The following MSL2 variants were observed in gnomAD, a reference collection of about 807,000 sequenced individuals.
The protein encoded by MSL2 is E3 ubiquitin-protein ligase MSL2.
A neutral mutation model predicts 35.8 loss-of-function variants in MSL2; 2 were observed. The ratio of observed to expected loss-of-function variants is 0.06; its 90% CI spans 0.02 to 0.18. MSL2 has a LOEUF of 0.18. Among genes scored for constraint, MSL2 ranks in the 10% least tolerant of loss-of-function variants. The pLI, the probability that MSL2 is intolerant of heterozygous loss-of-function variation, is 1.00. For synonymous variants in MSL2, 296 were observed against 255.7 expected (o/e 1.16, Z -1.50); for missense variants, 523 against 706.7 (o/e 0.74, Z 2.95).
rs1408267273 is a variant in MSL2, at chr3:136,152,248, T to C, written c.633A>G (p.Ser211=). The C allele has an allele frequency of 6.2e-7, 1 of 1,614,068 alleles. No individual in the cohort carries two copies. Among genetic ancestry groups the C allele is most frequent in the Non-Finnish European group, 8.5e-7 (1 of 1,179,952 alleles). ...SIDRFGINIP[S]PEHSNTIDVC... is the part of the protein sequence containing the mutation. ...CGTCAATCGTATTTGAATGTTCAGG[T>C]GAAGGAATATTTATACCAAATCTAT... The change falls in exon 2 of 2, where the codon TCA becomes TCG. Residue 211 remains serine, a synonymous_variant. Coordinates refer to ENST00000309993, the MANE Select transcript of MSL2 (RefSeq NM_018133.4).
At chr3:136,155,194 G>A (rs558693882) in intron 1 of MSL2, among the ~76,000 whole-genome samples, 2 of 150,606 alleles carry the variant, frequency 1.3e-5, no homozygotes, top group Non-Finnish European at 3.0e-5. Flanking sequence ...TGGCGACAGG[G>A]CAAGACTGTC....
chr3:136,179,696 GATC>G (rs1169365073), intron 1 of MSL2, among the ~76,000 whole-genome samples: 2 of 152,182 alleles, frequency 1.3e-5, no homozygotes, highest in African/African-American at 4.8e-5. Context: ...ATACTATAAA[GATC>G]ATCTTAAAGC....
At chr3:136,187,068 A>G (rs915051151) in intron 1 of MSL2, among the ~76,000 whole-genome samples, 1 of 152,216 alleles carries the variant, frequency 6.6e-6, no homozygotes, top group Non-Finnish European at 1.5e-5. Flanking sequence ...GGCTGAATCC[A>G]CAAATGCAGA....
In MSL2 at chr3:136,149,930, C is replaced by A. The variant is rs1939301128; in HGVS notation, c.*1217G>T. On this transcript the variant is annotated 3_prime_UTR_variant, in exon 2 of 2. Transcript: ENST00000309993. Reference sequence around the variant, plus strand: ...GGTTATTTCATTACACCTAGTCAGTCCTTGTTTTATTTGGGCTGTGCTCTT... The same window carrying A: ...GGTTATTTCATTACACCTAGTCAGTACTTGTTTTATTTGGGCTGTGCTCTT... 6.6e-6 allele frequency: 1 copy of A among 152,558 alleles called. No individual in the cohort carries two copies. Among genetic ancestry groups the A allele is most frequent in the African/African-American group, 2.4e-5 (1 of 41,430 alleles). 9.5% of individuals were successfully genotyped at this position (152,558 alleles called of 1,614,324 possible). A position where few individuals can be genotyped will look rare whatever the true frequency, so the allele number is the denominator to read the frequency against.
At chr3:136,193,246 T>G (rs1279516225) in intron 1 of MSL2, among the ~76,000 whole-genome samples, 3 of 152,152 alleles carry the variant, frequency 2.0e-5, no homozygotes, top group Admixed American at 6.5e-5. Flanking sequence ...CGAAAGCTAT[T>G]AATAGGAACT....
At chr3:136,178,900 G>A (rs1940259542) in intron 1 of MSL2, among the ~76,000 whole-genome samples, 2 of 151,446 alleles carry the variant, frequency 1.3e-5, no homozygotes, top group Non-Finnish European at 2.9e-5. Context: ...ACCATCAAAC[G>A]GTTATTACCA....
chr3:136,158,343 A>G (rs977194080), intron 1 of MSL2, among the ~76,000 whole-genome samples: 47 of 151,836 alleles, frequency 3.1e-4, no homozygotes, highest in Non-Finnish European at 3.5e-4. Flanking sequence ...AGAAAATACA[A>G]ACCAAAATCT....
At chr3:136,173,382 G>C (rs1296613159) in intron 1 of MSL2, among the ~76,000 whole-genome samples, 1 of 152,000 alleles carries the variant, frequency 6.6e-6, no homozygotes, top group Non-Finnish European at 1.5e-5. Flanking sequence ...CTTAACATGA[G>C]CAAATATAAA....
At chr3:136,162,346 G>A (rs913549068) in intron 1 of MSL2, among the ~76,000 whole-genome samples, 1 of 151,068 alleles carries the variant, frequency 6.6e-6, no homozygotes, top group African/African-American at 2.4e-5. Context: ...AGTTTGAGAG[G>A]CCAGCGTAGG....
At position 136,152,033 on chromosome 3, in the gene MSL2, G is replaced by C; in HGVS notation, c.848C>G (p.Thr283Arg). 1 of 1,614,170 alleles carries C rather than the reference G, an allele frequency of 6.2e-7. No individual in the cohort carries two copies. The highest frequency in any genetic ancestry group is 8.5e-7 in the Non-Finnish European group (1 of 1,180,036). The change falls in exon 2 of 2, where the codon ACA becomes AGA. Residue 283 changes from threonine (T) to arginine (R), a missense_variant. Thr to Arg is a moderately conservative substitution (Grantham distance 71). Around this residue, in one of 5 missense-constraint regions of MSL2, gnomAD observed 361 missense variants for 414.6 expected, o/e 0.87. Transcript: ENST00000309993. ...VLRSLETVSN[T>R]EVCCPNLQPN... ...CTGCAAATTAGGGCAACAGACCTCT[G>C]TATTTGAAACAGTTTCTAAGCTGCG...
chr3:136,152,827 CA>C, intron 1 of MSL2, 89 bp from the exon 2 acceptor site: 1 of 1,502,370 alleles, frequency 6.7e-7, no homozygotes, highest in East Asian at 2.3e-5. Flanking sequence ...AGTAGTCTAT[CA>C]AAATTGAGAT....
intron 1 of MSL2, among the ~76,000 whole-genome samples, chr3:136,164,562 G>A (rs1939788404): frequency 6.6e-6 from 1 of 152,158 alleles, no homozygotes. Flanking sequence ...GTGAGAAATA[G>A]AAAAGAGTCA....
At chr3:136,165,487 A>G (rs1939821743) in intron 1 of MSL2, among the ~76,000 whole-genome samples, 1 of 152,196 alleles carries the variant, frequency 6.6e-6, no homozygotes, top group Non-Finnish European at 1.5e-5. Flanking sequence ...TAGTTTTAGG[A>G]TACCACAATG....
rs6779901 is a variant in MSL2, at chr3:136,178,379, T to C, written c.142+16593A>G. On this transcript the variant is annotated intron_variant, in intron 1 of 1. Transcript: ENST00000309993. Reference sequence around the variant, plus strand: ...CATTAATCAATAAACCAACATAAATTAAGATCCAAATTTCCCAAATTGGTG... The same window carrying C: ...CATTAATCAATAAACCAACATAAATCAAGATCCAAATTTCCCAAATTGGTG... Among the ~76,000 whole-genome samples, 643 of 152,262 alleles carry C rather than the reference T, an allele frequency of 4.2e-3. 7 individuals carry two copies. The highest frequency in any genetic ancestry group is 0.015 in the African/African-American group (615 of 41,552).
chr3:136,171,320 A>T (rs1372975018), intron 1 of MSL2, among the ~76,000 whole-genome samples: 1 of 152,180 alleles, frequency 6.6e-6, no homozygotes, highest in East Asian at 1.9e-4. Flanking sequence ...GGCTGGGATG[A>T]ACTCACAAAA....
In MSL2 at chr3:136,149,025, A is replaced by C. The variant is rs1248747201; in HGVS notation, c.*2122T>G. 2.6e-5 allele frequency: 4 copies of C among 152,478 alleles called. No homozygotes were observed. The highest frequency in any genetic ancestry group is 6.5e-5 in the Admixed American group (1 of 15,270). 9.4% of individuals were successfully genotyped at this position (152,478 alleles called of 1,614,324 possible). A position where few individuals can be genotyped will look rare whatever the true frequency, so the allele number is the denominator to read the frequency against. The stretch of plus-strand genomic sequence containing the variant: ...AAAAAGAGAAACTTGTGCTAAAAAC[A>C]ACCTGAATTCATCATTGGCAATATT... On this transcript the variant is annotated 3_prime_UTR_variant, in exon 2 of 2. Transcript: ENST00000309993.
intron 1 of MSL2, among the ~76,000 whole-genome samples, chr3:136,154,404 G>A (rs927745583): frequency 1.6e-4 from 24 of 151,966 alleles, no homozygotes; most frequent in Middle Eastern, 6.3e-3. Flanking sequence ...ACCAAGAAGG[G>A]AAAGGAACTA....
chr3:136,160,656 C>G (rs1212415524), intron 1 of MSL2, among the ~76,000 whole-genome samples: 1 of 150,470 alleles, frequency 6.6e-6, no homozygotes, highest in Non-Finnish European at 1.5e-5. Flanking sequence ...GTGCAGCGAG[C>G]CGAGACCATG....
chr3:136,166,352 C>T (rs989781805), intron 1 of MSL2, among the ~76,000 whole-genome samples: 1 of 151,714 alleles, frequency 6.6e-6, no homozygotes, highest in African/African-American at 2.4e-5. Flanking sequence ...CGCACCACTG[C>T]ACTCCAGCCT....
Sources: allele counts gnomAD v4.1 joint callset (sites outside exome capture counted in the v4.1 genomes callset), GRCh38; gene constraint gnomAD v4.1.1; regional missense constraint gnomAD v4.1.1; transcripts MANE v1.5; gene names NCBI Gene and HGNC (gene_info 2026-07-23, HGNC 2026-07-21).